Variants in MTHFS observed in about 807,000 individuals in gnomAD.
MTHFS encodes the protein methenyltetrahydrofolate synthetase, also known as 5-formyltetrahydrofolate cyclo-ligase.
A neutral mutation model predicts 12.7 loss-of-function variants in MTHFS; 7 were observed. The ratio of observed to expected loss-of-function variants is 0.55; its 90% CI spans 0.31 to 1.03. The LOEUF (loss-of-function observed/expected upper bound fraction) is 1.03, where lower values mean the gene tolerates loss of function less well. Ranked by LOEUF, MTHFS falls within the 50% of genes least tolerant of loss-of-function variation. The pLI, the probability that MTHFS is intolerant of heterozygous loss-of-function variation, is 0.05. For synonymous variants in MTHFS, 100 were observed against 97.1 expected (o/e 1.03, Z -0.18); for missense variants, 252 against 258.1 (o/e 0.98, Z 0.16).
chr15:79,897,100 C>G, upstream of MTHFS: 6 of 1,055,154 alleles, frequency 5.7e-6, no homozygotes, highest in Non-Finnish European at 7.5e-6. Flanking sequence ...CGGGTCGGGG[C>G]TCGGGGAAGC....
At chr15:79,859,831 A>C (rs542858224) in intron 2 of MTHFS, among the ~76,000 whole-genome samples, 24 of 151,918 alleles carry the variant, frequency 1.6e-4, no homozygotes, top group African/African-American at 5.3e-4. Context: ...AAAAAAAAAA[A>C]AAAAAAACCC....
chr15:79,896,881 C>G lies in MTHFS; in HGVS notation c.108G>C (p.Leu36=). ...AEERLRQSRV[L]SQKVIAHSEY... ...ACGGGCGGCCTCGCACCTTCTGGCT[C>G]AGTACGCGGGACTGGCGTAGCCGCT... The change falls in exon 1 of 3, where the codon CTG becomes CTC. Residue 36 remains leucine (L), a synonymous_variant. Coordinates refer to ENST00000258874, the MANE Select transcript of MTHFS (RefSeq NM_006441.4). 1 of 1,543,156 alleles carries G rather than the reference C, an allele frequency of 6.5e-7. No homozygotes were observed. The highest frequency in any genetic ancestry group is 8.7e-7 in the Non-Finnish European group (1 of 1,146,346).
At chr15:79,891,564 G>T (rs1270401074) in intron 1 of MTHFS, among the ~76,000 whole-genome samples, 1 of 152,118 alleles carries the variant, frequency 6.6e-6, no homozygotes, top group Non-Finnish European at 1.5e-5. Flanking sequence ...CCGTGGAGTA[G>T]GGGAAAAGGC....
In MTHFS at chr15:79,882,779, A is replaced by G. The variant is rs151338536; in HGVS notation, c.379+6314T>C. ...TAGTAGCACACAGTAACAGGCAGGTACAGGTACATCCCACATTATCACAAC... is the reference window on the plus strand; with the variant it reads ...TAGTAGCACACAGTAACAGGCAGGTGCAGGTACATCCCACATTATCACAAC... On this transcript the variant is annotated intron_variant, in intron 2 of 2. Coordinates refer to ENST00000258874, the MANE Select transcript of MTHFS (RefSeq NM_006441.4). Among the ~76,000 whole-genome samples the G allele has an allele frequency of 7.5e-3, 1,140 of 152,354 alleles. 11 individuals carry two copies. The highest frequency in any genetic ancestry group is 0.02 in the Middle Eastern group (6 of 294).
At chr15:79,894,340 C>T (rs1339450386) in intron 1 of MTHFS, among the ~76,000 whole-genome samples, 1 of 152,102 alleles carries the variant, frequency 6.6e-6, no homozygotes, top group African/African-American at 2.4e-5. Flanking sequence ...GAGATCATGC[C>T]ACCGCACTCC....
intron 2 of MTHFS, among the ~76,000 whole-genome samples, chr15:79,867,611 T>TAA (rs924055782): frequency 2.8e-5 from 4 of 141,030 alleles, no homozygotes; most frequent in Non-Finnish European, 3.1e-5. Context: ...ATGATGGTCA[T>TAA]AAAAAAAAAA....
chr15:79,873,375 T>C (rs1244256726), intron 2 of MTHFS, among the ~76,000 whole-genome samples: 1 of 152,158 alleles, frequency 6.6e-6, no homozygotes, highest in Non-Finnish European at 1.5e-5. Flanking sequence ...AAGAATCAAA[T>C]GAAGCAATGC....
At chr15:79,861,509 A>G (rs923339800) in intron 2 of MTHFS, among the ~76,000 whole-genome samples, 9 of 152,230 alleles carry the variant, frequency 5.9e-5, no homozygotes, top group African/African-American at 2.2e-4. Context: ...ATGAGTACGT[A>G]AAGTGGCATA....
chr15:79,861,482 A>G (rs1474674899), intron 2 of MTHFS, among the ~76,000 whole-genome samples: 1 of 152,164 alleles, frequency 6.6e-6, no homozygotes, highest in Non-Finnish European at 1.5e-5. Flanking sequence ...AGGTCAACAT[A>G]CTCTCATGTG....
chr15:79,896,777 G>C, intron 1 of MTHFS, 95 bp downstream of exon 1: 5 of 1,381,082 alleles, frequency 3.6e-6, no homozygotes, highest in Non-Finnish European at 4.8e-6. Context: ...GCCTAGCCCA[G>C]CGCCAGCACG....
chr15:79,852,847 A>T (rs1460036051), intron 2 of MTHFS, among the ~76,000 whole-genome samples: 2 of 152,206 alleles, frequency 1.3e-5, no homozygotes, highest in Non-Finnish European at 2.9e-5. Context: ...TTATGGGTTC[A>T]AGGCTTTCAC....
intron 2 of MTHFS, among the ~76,000 whole-genome samples, chr15:79,845,925 A>G (rs1054558328): frequency 1.3e-5 from 2 of 151,786 alleles, no homozygotes; most frequent in Non-Finnish European, 2.9e-5. Context: ...CAGACAGCCT[A>G]CTCCCTCCTC....
intron 1 of MTHFS, among the ~76,000 whole-genome samples, chr15:79,894,102 G>A (rs530618344): frequency 2.0e-5 from 3 of 152,098 alleles, no homozygotes; most frequent in East Asian, 3.9e-4. Context: ...ATTAAAGTTC[G>A]AGCCAGGCAC....
At chr15:79,864,936 C>A (rs900412686) in intron 2 of MTHFS, among the ~76,000 whole-genome samples, 1 of 152,054 alleles carries the variant, frequency 6.6e-6, no homozygotes, top group Admixed American at 6.6e-5. Context: ...TTTTAAACAA[C>A]AAAAACTGTT....
rs560615437 is a variant in MTHFS, at chr15:79,844,890, G to A, written c.*320C>T. 36 of 319,940 alleles carry A rather than the reference G, an allele frequency of 1.1e-4. No homozygotes were observed. Among genetic ancestry groups the A allele is most frequent in the African/African-American group, 7.5e-4 (35 of 46,412 alleles). The allele number at this position is 319,940 out of a possible 1,614,324, so 19.8% of individuals were successfully genotyped here. ...ACTCCCGCAAGTTTACCTTCCTCTC[G>A]CACTCAGTCGGAGCACAGTTCCTCA... is the stretch of plus-strand genomic sequence containing the variant. On this transcript the variant is annotated 3_prime_UTR_variant, in exon 3 of 3. Transcript: ENST00000258874.
chr15:79,868,691 C>T (rs1343698899), intron 2 of MTHFS, among the ~76,000 whole-genome samples: 4 of 152,220 alleles, frequency 2.6e-5, no homozygotes, highest in Admixed American at 2.6e-4. Flanking sequence ...GCCATCTCAT[C>T]ACATTTCCTG....
chr15:79,883,027 A>G lies in MTHFS; in HGVS notation c.379+6066T>C, dbSNP rs369893613. Among the ~76,000 whole-genome samples the G allele has an allele frequency of 6.6e-5, 10 of 152,332 alleles. No homozygotes were observed. The East Asian group carries it at 1.5e-3, about 23-fold the overall frequency. ...TCAAGATCAGCCTGGGCAACAGAGTAGACGTGTCTCTACAAAAAATTTAAA... is the reference window on the plus strand; with the variant it reads ...TCAAGATCAGCCTGGGCAACAGAGTGGACGTGTCTCTACAAAAAATTTAAA... On this transcript the variant is annotated intron_variant, in intron 2 of 2. Coordinates refer to ENST00000258874, the MANE Select transcript of MTHFS (RefSeq NM_006441.4).
At chr15:79,870,568 C>T (rs1290669505) in intron 2 of MTHFS, among the ~76,000 whole-genome samples, 7 of 152,042 alleles carry the variant, frequency 4.6e-5, no homozygotes, top group Non-Finnish European at 7.4e-5. Context: ...ATACCACTCA[C>T]GGACCATGCT....
At position 79,844,552 on chromosome 15, in the gene MTHFS, A is replaced by C. The variant is rs936511286; in HGVS notation, c.*658T>G. Among the ~76,000 whole-genome samples the C allele has an allele frequency of 1.3e-5, 2 of 152,320 alleles. No homozygotes were observed. The highest frequency in any genetic ancestry group is 2.1e-4 in the South Asian group (1 of 4,828). ...TCCAAAGCAGAAACCATGAGTAAAC[A>C]GAAATAATTTCTAACTTATAAGATA... On this transcript the variant is annotated 3_prime_UTR_variant, in exon 3 of 3. Coordinates refer to ENST00000258874, the MANE Select transcript of MTHFS (RefSeq NM_006441.4).
Sources: gnomAD v4.1 joint callset for allele counts (sites outside exome capture counted in the v4.1 genomes callset) on GRCh38, gnomAD v4.1.1 for gene constraint, MANE v1.5 for transcripts, NCBI Gene and HGNC (gene_info 2026-07-23, HGNC 2026-07-21) for gene names.